LTF: variants seen among roughly 807,000 people sequenced by gnomAD.
LTF encodes lactotransferrin.
LTF carries 91 observed loss-of-function variants against 87.2 expected under a neutral mutation model. The ratio of observed to expected loss-of-function variants is 1.04; its 90% CI spans 0.88 to 1.24. The LOEUF is 1.24. Among genes scored for constraint, LTF ranks in the 50% most tolerant of loss-of-function variants. The pLI is 0.00. For missense variants in LTF, 901 were observed against 904.3 expected (o/e 1.00, Z 0.05); for synonymous variants, 378 against 356.1 (o/e 1.06, Z -0.69).
rs1702614549 is a variant in LTF at position 46,445,089 on chromosome 3, T to C, written c.1513+192A>G. Among the ~76,000 whole-genome samples, 5 of 152,088 alleles carry C rather than the reference T, an allele frequency of 3.3e-5. No homozygotes were observed. The South Asian group carries it at 1.0e-3, about 31-fold the overall frequency. On this transcript the variant is annotated intron_variant, in intron 12 of 16. Coordinates refer to ENST00000231751, the MANE Select transcript of LTF (RefSeq NM_002343.6). ...GGTGGGGTGAATGGGGCATGGGAAG[T>C]GCTGTGCAGGGAAACCCCCAGTGCA...
chr3:46,456,036 A>G, intron 3 of LTF, 58 bp from the exon 4 acceptor site: 1 of 1,444,824 alleles, frequency 6.9e-7, no homozygotes, highest in Non-Finnish European at 9.2e-7. Context: ...GACAAAAACA[A>G]CCCATCCTGA....
intron 5 of LTF, among the ~76,000 whole-genome samples, chr3:46,454,763 A>G (rs1398506255): frequency 2.6e-5 from 4 of 152,098 alleles, no homozygotes; most frequent in Non-Finnish European, 5.9e-5. Flanking sequence ...GTGCCAGCAG[A>G]CAGAATGGGA....
At chr3:46,450,824 A>G in intron 6 of LTF, 151 bp from the exon 7 acceptor site, 2 of 673,982 alleles carry the variant, frequency 3.0e-6, no homozygotes, top group Middle Eastern at 5.8e-4. Context: ...GCTCCAGAAC[A>G]CTCAGAAAGG....
intron 12 of LTF, among the ~76,000 whole-genome samples, 166 bp from the exon 13 acceptor site, chr3:46,443,748 G>C (rs1702579316): frequency 6.6e-6 from 1 of 152,112 alleles, no homozygotes; most frequent in Non-Finnish European, 1.5e-5. Flanking sequence ...CACCAACATA[G>C]GACCCACCAG....
chr3:46,447,354 G>A lies in LTF; in HGVS notation c.1257C>T (p.Tyr419=), dbSNP rs1387790314. The change falls in exon 10 of 17, where the codon TAC becomes TAT. Residue 419 remains tyrosine (Y), a synonymous_variant. Transcript: ENST00000231751. The part of the protein sequence containing the change: ...DAMSLDGGYV[Y]TAGKCGLVPV... ...GCACCAAACCACATTTGCCTGCAGT[G>A]TACACATATCCTCCATCCAAACTCA... The A allele has an allele frequency of 1.2e-6, 2 of 1,614,148 alleles. No individual in the cohort carries two copies. Among genetic ancestry groups the A allele is most frequent in the Non-Finnish European group, 1.7e-6 (2 of 1,180,018 alleles).
intron 16 of LTF, 24 bp from the exon 17 acceptor site, chr3:46,436,253 G>A: frequency 6.2e-7 from 1 of 1,609,498 alleles, no homozygotes; most frequent in Non-Finnish European, 8.5e-7. Flanking sequence ...CAGAGCAAGA[G>A]ATTCAGAAAC....
In LTF at chr3:46,450,530, C is replaced by T. The variant is rs1220089788; in HGVS notation, c.847G>A (p.Glu283Lys). 8 of 1,613,726 alleles carry T rather than the reference C, an allele frequency of 5.0e-6. No individual in the cohort carries two copies. Among genetic ancestry groups the T allele is most frequent in the Non-Finnish European group, 6.8e-6 (8 of 1,180,036 alleles). Residue 283 changes from glutamate (E) to lysine (K), a missense_variant, in exon 7 of 17, where the codon GAG becomes AAG. Transcript: ENST00000231751. Reference sequence around the variant, plus strand: ...CGGAGAAGATTCCAGATGGCATCCTCCTTGCCATTCACACTTCGTGCCACA... The same window carrying T: ...CGGAGAAGATTCCAGATGGCATCCTTCTTGCCATTCACACTTCGTGCCACA... ...AVVARSVNGK[E>K]DAIWNLLRQA...
At position 46,439,359 on chromosome 3, in the gene LTF, A is replaced by G. The variant is rs761158825; in HGVS notation, c.1845T>C (p.Asn615=). Residue 615 remains asparagine (N), a synonymous_variant, in exon 15 of 17, where the codon AAT becomes AAC. Coordinates refer to ENST00000231751, the MANE Select transcript of LTF (RefSeq NM_002343.6). ...ARSCHLAMAP[N]HAVVSRMDKV... ...TATCCATCCGAGACACCACGGCATG[A>G]TTCGGGGCCATGGCAAGATGGCAGC... The G allele has an allele frequency of 3.8e-5, 62 of 1,614,086 alleles. No homozygotes were observed. Among genetic ancestry groups the G allele is most frequent in the Non-Finnish European group, 5.0e-5 (59 of 1,180,034 alleles).
chr3:46,454,036 G>A (rs1402560779), intron 6 of LTF: 7 of 480,544 alleles, frequency 1.5e-5, no homozygotes, highest in African/African-American at 1.9e-5. Context: ...TGTTCTGCAT[G>A]AGCACATGTG....
At position 46,450,481 on chromosome 3, in the gene LTF, G is replaced by A. The variant is rs376074598; in HGVS notation, c.882+14C>T. The A allele has an allele frequency of 7.7e-5, 123 of 1,600,584 alleles. No homozygotes were observed. The highest frequency in any genetic ancestry group is 9.8e-5 in the Non-Finnish European group (115 of 1,173,142). Reference sequence around the variant, plus strand: ...CATATCCAAGCAAGTGGGGAGGACCGTGGGTGAAGATACCTGTGCCTGGCG... The same window carrying A: ...CATATCCAAGCAAGTGGGGAGGACCATGGGTGAAGATACCTGTGCCTGGCG... On this transcript the variant is annotated intron_variant, in intron 7 of 16. Coordinates refer to ENST00000231751, the MANE Select transcript of LTF (RefSeq NM_002343.6).
chr3:46,441,483 C>T lies in LTF; in HGVS notation c.1656G>A (p.Arg552=), dbSNP rs1702513223. 2.5e-6 allele frequency: 4 copies of T among 1,611,964 alleles called. No individual in the cohort carries two copies. In the South Asian group the frequency reaches 3.3e-5, roughly 13 times the overall value. ...CGTCTCCAGCATTCTCAGCCAGGCA[C>T]CTAAAATGTTCCAGAAAATATACAC... ...ERYYGYTGAF[R]CLAENAGDVA... The change falls in exon 14 of 17, where the codon CGG becomes CGA. Residue 552 remains arginine (R), a splice_region_variant and synonymous_variant. Coordinates refer to ENST00000231751, the MANE Select transcript of LTF (RefSeq NM_002343.6).
chr3:46,479,766 G>C (rs1306626962), intron 1 of LTF, among the ~76,000 whole-genome samples: 1 of 152,174 alleles, frequency 6.6e-6, no homozygotes, highest in African/African-American at 2.4e-5. Context: ...GACTTCAAGT[G>C]ATCTACCCAC....
chr3:46,457,758 T>G (rs998972952), intron 2 of LTF, among the ~76,000 whole-genome samples: 2 of 152,174 alleles, frequency 1.3e-5, no homozygotes, highest in Non-Finnish European at 2.9e-5. Context: ...TCTTCTATGA[T>G]TCTACATTTT....
At chr3:46,456,446 C>T (rs1163121429) in intron 2 of LTF, 48 bp from the exon 3 acceptor site, 2 of 1,511,972 alleles carry the variant, frequency 1.3e-6, no homozygotes, top group Non-Finnish European at 1.8e-6. Context: ...CTCACCCAAA[C>T]CCAGCAAGTG....
chr3:46,438,315 C>T (rs1490299340), intron 15 of LTF, among the ~76,000 whole-genome samples, 186 bp from the exon 16 acceptor site: 2 of 152,186 alleles, frequency 1.3e-5, no homozygotes, highest in South Asian at 2.1e-4. Context: ...GTGGCAGGCC[C>T]GCCTTGGGCA....
chr3:46,472,571 G>A (rs1703307991), intron 1 of LTF, among the ~76,000 whole-genome samples: 1 of 148,090 alleles, frequency 6.8e-6, no homozygotes, highest in African/African-American at 2.5e-5. Flanking sequence ...TTGCTCTGTT[G>A]CCCAGGCTGG....
chr3:46,443,342 T>C, intron 13 of LTF, 99 bp downstream of exon 13: 1 of 1,424,514 alleles, frequency 7.0e-7, no homozygotes, highest in African/African-American at 1.4e-5. Context: ...ACCCCCACTC[T>C]GCTGTGACAG....
At chr3:46,452,672 T>G (rs1559600524) in intron 6 of LTF, among the ~76,000 whole-genome samples, 1 of 152,160 alleles carries the variant, frequency 6.6e-6, no homozygotes, top group East Asian at 1.9e-4. Flanking sequence ...GCAGAAAAAA[T>G]GCAAATACAC....
intron 16 of LTF, 68 bp downstream of exon 16, chr3:46,437,872 G>C (rs1702422100): frequency 7.9e-7 from 1 of 1,262,770 alleles, no homozygotes; most frequent in Non-Finnish European, 1.1e-6. Flanking sequence ...CTAGAATGCT[G>C]TTTGGCCCTC....
Sources: allele counts gnomAD v4.1 joint callset (sites outside exome capture counted in the v4.1 genomes callset), GRCh38; gene constraint gnomAD v4.1.1; transcripts MANE v1.5; gene names NCBI Gene and HGNC (gene_info 2026-07-23, HGNC 2026-07-21).